Variants in PCDH15 observed in about 807,000 individuals in gnomAD.
PCDH15 encodes protocadherin related 15, also known as protocadherin-15.
In PCDH15, 129 loss-of-function variants were observed where a neutral mutation model predicts 178.5. The observed-to-expected ratio is 0.72, with a 90% confidence interval of 0.63 to 0.84. The LOEUF (loss-of-function observed/expected upper bound fraction) is 0.84. Among genes scored for constraint, PCDH15 ranks in the 40% least tolerant of loss-of-function variants. The pLI, the probability that PCDH15 is intolerant of heterozygous loss-of-function variation, is 0.00. For missense variants in PCDH15, 2,230 were observed against 2,099.9 expected, an observed-to-expected ratio of 1.06 and a Z score of -1.21; for synonymous variants, 800 against 732.0, an observed-to-expected ratio of 1.09 and a Z score of -1.50.
intron 2 of PCDH15, among the ~76,000 whole-genome samples, chr10:55,082,770 T>C (rs1842075621): frequency 6.6e-6 from 1 of 151,902 alleles, no homozygotes; most frequent in South Asian, 2.1e-4. Context: ...GAGACTACTA[T>C]GAGCAACTAT....
Position 54,061,083 on chromosome 10 carries a change from C to T in PCDH15, c.2220+5674G>A, listed in dbSNP as rs75738466. On this transcript the variant is annotated intron_variant, in intron 18 of 37. Coordinates refer to ENST00000644397, the MANE Select transcript of PCDH15 (RefSeq NM_001384140.1). ...CCTTTGAGACTTGAGGGGTCCAGGA[C>T]CAGGCCTGCAGATTTGATCAGAATA... Among the ~76,000 whole-genome samples, 839 of 152,064 alleles carry T rather than the reference C, an allele frequency of 5.5e-3. 7 individuals carry two copies. Among genetic ancestry groups the T allele is most frequent in the Non-Finnish European group, 7.4e-3 (504 of 67,940 alleles).
At chr10:53,822,799 C>T in intron 32 of PCDH15, 1 of 1,614,108 alleles carries the variant, frequency 6.2e-7, no homozygotes, top group Non-Finnish European at 8.5e-7. Context: ...ATCAGTGTTT[C>T]ACCTTGCCTT....
chr10:54,054,376 A>G (rs1346738450), intron 18 of PCDH15, among the ~76,000 whole-genome samples: 1 of 152,132 alleles, frequency 6.6e-6, no homozygotes, highest in Non-Finnish European at 1.5e-5. Context: ...TAAACATGAA[A>G]ACTAGCAGCA....
intron 1 of PCDH15, among the ~76,000 whole-genome samples, chr10:55,214,894 C>G (rs1455550099): frequency 1.3e-5 from 2 of 152,056 alleles, no homozygotes; most frequent in Non-Finnish European, 2.9e-5. Context: ...CTCCTAAATT[C>G]TATAATCTGT....
At chr10:55,483,254 T>C (rs562924764) in intron 2 of PCDH15, among the ~76,000 whole-genome samples, 6 of 149,004 alleles carry the variant, frequency 4.0e-5, no homozygotes, top group Non-Finnish European at 7.4e-5. Context: ...ATGTCCATAA[T>C]CTATAAGTAA....
At chr10:54,853,535 G>A (rs915302306) in intron 3 of PCDH15, among the ~76,000 whole-genome samples, 5 of 149,016 alleles carry the variant, frequency 3.4e-5, no homozygotes, top group Non-Finnish European at 7.4e-5. Flanking sequence ...GTTTGTAGAA[G>A]AAATCTCATA....
At chr10:53,995,854 C>A (rs1215437078) in intron 20 of PCDH15, 89 bp from the exon 21 acceptor site, 2 of 1,156,866 alleles carry the variant, frequency 1.7e-6, no homozygotes, top group East Asian at 2.4e-5. Context: ...TCATATCACA[C>A]AACTTATTTA....
At chr10:54,733,251 AAAAT>A (rs1269355883) in intron 1 of PCDH15, among the ~76,000 whole-genome samples, 3 of 151,630 alleles carry the variant, frequency 2.0e-5, no homozygotes, top group African/African-American at 7.2e-5. Context: ...AAATGAAAAG[AAAAT>A]AAACTTTCAA....
rs201110182 is a variant in PCDH15 at position 54,061,785 on chromosome 10, T to C, written c.2220+4972A>G. On this transcript the variant is annotated intron_variant, in intron 18 of 37. Transcript: ENST00000644397. ...AATGCACAAGGTATAATATGATACC[T>C]TGTGAATAAAAAGATAAACATTAAA... Among the ~76,000 whole-genome samples the C allele has an allele frequency of 1.5e-4, 22 of 148,402 alleles. No individual in the cohort carries two copies. In the East Asian group the frequency reaches 4.2e-3, roughly 28 times the overall value.
chr10:54,597,994 A>G (rs889112226), intron 2 of PCDH15, among the ~76,000 whole-genome samples: 1 of 152,160 alleles, frequency 6.6e-6, no homozygotes, highest in Non-Finnish European at 1.5e-5. Context: ...AGTAATAAAC[A>G]GCCTGCAAAC....
chr10:55,108,484 G>A (rs1837415372), intron 2 of PCDH15, among the ~76,000 whole-genome samples: 1 of 152,116 alleles, frequency 6.6e-6, no homozygotes, highest in Admixed American at 6.5e-5. Flanking sequence ...TTGCAGCTAT[G>A]TAAAATATGT....
At position 54,533,430 on chromosome 10, in the gene PCDH15, G is replaced by A. The variant is rs146023910; in HGVS notation, c.92-5553C>T. Among the ~76,000 whole-genome samples, 318 of 151,982 alleles carry A rather than the reference G, an allele frequency of 2.1e-3. 1 individual carries two copies. The highest frequency in any genetic ancestry group is 7.3e-3 in the African/African-American group (303 of 41,456). ...ATTCTGCAAGAATTTGAGGTTATTTGGAACAAGTTATGAAAGATTAGAGAG... is the reference window on the plus strand; with the variant it reads ...ATTCTGCAAGAATTTGAGGTTATTTAGAACAAGTTATGAAAGATTAGAGAG... On this transcript the variant is annotated intron_variant, in intron 2 of 37. Coordinates refer to ENST00000644397, the MANE Select transcript of PCDH15 (RefSeq NM_001384140.1).
chr10:54,125,758 T>C (rs2132946885), intron 15 of PCDH15, among the ~76,000 whole-genome samples: 1 of 152,262 alleles, frequency 6.6e-6, no homozygotes, highest in East Asian at 1.9e-4. Context: ...TCCTGGCTTA[T>C]GATAGCATCA....
At chr10:54,391,275 C>G (rs1442915329) in intron 3 of PCDH15, among the ~76,000 whole-genome samples, 1 of 152,184 alleles carries the variant, frequency 6.6e-6, no homozygotes, top group African/African-American at 2.4e-5. Flanking sequence ...GATGCCACAC[C>G]TGGCAAAAAT....
chr10:53,901,084 T>C (rs1200183086), intron 26 of PCDH15, among the ~76,000 whole-genome samples: 1 of 152,216 alleles, frequency 6.6e-6, no homozygotes, highest in South Asian at 2.1e-4. Context: ...TGTCACCTCA[T>C]GGCAGCAACA....
At chr10:53,898,787 G>T (rs989209567) in intron 26 of PCDH15, among the ~76,000 whole-genome samples, 1 of 152,074 alleles carries the variant, frequency 6.6e-6, no homozygotes, top group African/African-American at 2.4e-5. Context: ...GGCATGATTG[G>T]CTCTGACCAG....
At chr10:54,308,537 G>T (rs1250548289) in intron 8 of PCDH15, among the ~76,000 whole-genome samples, 2 of 151,868 alleles carry the variant, frequency 1.3e-5, no homozygotes, top group Non-Finnish European at 2.9e-5. Context: ...TGGTGCTATG[G>T]TATATTACAG....
chr10:54,718,055 G>T (rs2095502410), intron 1 of PCDH15, among the ~76,000 whole-genome samples: 1 of 149,774 alleles, frequency 6.7e-6, no homozygotes, highest in South Asian at 2.1e-4. Flanking sequence ...GATGGGAATT[G>T]AACAATGGGA....
rs1333572193 is a variant in PCDH15, at chr10:54,853,314, T to TACACACATATACAC, written c.-29+44135_-29+44136insGTGTATATGTGTGT. On this transcript the variant is annotated intron_variant, in intron 3 of 5. Coordinates refer to the PCDH15 transcript ENST00000458638. ...GTATATATATATATATATATATATA[T>TACACACATATACAC]ATATACATACACACACATATACATA... Among the ~76,000 whole-genome samples, 777 of 129,096 alleles carry TACACACATATACAC rather than the reference T, an allele frequency of 6.0e-3. 24 individuals carry two copies. Among genetic ancestry groups the TACACACATATACAC allele is most frequent in the Admixed American group, 0.051 (623 of 12,336 alleles). 84.7% of individuals were successfully genotyped at this position (129,096 alleles called of 152,430 possible). A position where few individuals can be genotyped will look rare whatever the true frequency, so the allele number is the denominator to read the frequency against.
Sources: gnomAD v4.1 joint callset for allele counts (sites outside exome capture counted in the v4.1 genomes callset) on GRCh38, gnomAD v4.1.1 for gene constraint, MANE v1.5 for transcripts, NCBI Gene and HGNC (gene_info 2026-07-23, HGNC 2026-07-21) for gene names.